Variants in ANK3 observed in about 807,000 individuals in gnomAD.
ANK3 encodes ankyrin 3, also known as ankyrin-3.
Under a neutral mutation model 370.9 loss-of-function variants are expected in ANK3, and 57 were observed. The observed-to-expected ratio is 0.15, with a 90% CI of 0.12 to 0.19. The LOEUF (loss-of-function observed/expected upper bound fraction) is 0.19, where lower values mean the gene tolerates loss of function less well. ANK3 is among the 10% of genes least tolerant of loss of function. ANK3 has a pLI of 1.00. For missense variants in ANK3, 4,439 were observed against 5,302.1 expected (o/e 0.84, Z 5.06); for synonymous variants, 1,929 against 1,946.3 (o/e 0.99, Z 0.23).
At chr10:60,691,043 G>T (rs1385312038) in intron 1 of ANK3, among the ~76,000 whole-genome samples, 1 of 152,136 alleles carries the variant, frequency 6.6e-6, no homozygotes, top group Non-Finnish European at 1.5e-5. Flanking sequence ...TCACTGAACA[G>T]GTCAATTGTG....
chr10:60,482,283 G>A (rs1438018796), intron 2 of ANK3, among the ~76,000 whole-genome samples: 1 of 152,106 alleles, frequency 6.6e-6, no homozygotes, highest in Admixed American at 6.5e-5. Flanking sequence ...ATTCATAACA[G>A]GGGACACTGG....
intron 2 of ANK3, among the ~76,000 whole-genome samples, chr10:60,596,480 G>A (rs1359919733): frequency 2.0e-5 from 3 of 152,226 alleles, no homozygotes; most frequent in Non-Finnish European, 4.4e-5. Context: ...CGCTATGGTA[G>A]AATCAACTCT....
intron 1 of ANK3, among the ~76,000 whole-genome samples, chr10:60,712,852 A>G (rs1350039739): frequency 1.3e-5 from 2 of 152,224 alleles, no homozygotes; most frequent in Non-Finnish European, 2.9e-5. Flanking sequence ...AAGGAAAAAT[A>G]TCAGGGATAA....
At chr10:60,258,894 C>T (rs1026821286) in intron 7 of ANK3, among the ~76,000 whole-genome samples, 3 of 152,164 alleles carry the variant, frequency 2.0e-5, no homozygotes, top group Non-Finnish European at 4.4e-5. Context: ...TACTTCTAAC[C>T]ACCTCATCAA....
At chr10:60,724,780 T>C (rs531558723) in intron 1 of ANK3, among the ~76,000 whole-genome samples, 4 of 152,324 alleles carry the variant, frequency 2.6e-5, no homozygotes, top group African/African-American at 7.2e-5. Context: ...AAATTTTATT[T>C]CACTTGGAAC....
In ANK3 at chr10:60,714,356, A is replaced by C. The variant is rs1293239197; in HGVS notation, c.57+18907T>G. On this transcript the variant is annotated intron_variant, in intron 1 of 43. Transcript: ENST00000373827. Reference sequence around the variant, plus strand: ...TAGTTTTCTACAATCTTTTCCAGGAAACAGAAGCAGAAGAAAAACTTCTTA... The same window carrying C: ...TAGTTTTCTACAATCTTTTCCAGGACACAGAAGCAGAAGAAAAACTTCTTA... 2.6e-5 allele frequency among the ~76,000 whole-genome samples: 4 copies of C among 152,190 alleles called. No homozygotes were observed. In the South Asian group the frequency reaches 8.3e-4, roughly 32 times the overall value.
At chr10:60,104,665 T>C (rs1371627624) in intron 28 of ANK3, among the ~76,000 whole-genome samples, 3 of 152,178 alleles carry the variant, frequency 2.0e-5, no homozygotes, top group African/African-American at 7.2e-5. Context: ...ACTCAACAAT[T>C]ACTATTCTCC....
At chr10:60,370,080 C>A (rs1204059638) in intron 1 of ANK3, among the ~76,000 whole-genome samples, 1 of 152,084 alleles carries the variant, frequency 6.6e-6, no homozygotes, top group East Asian at 1.9e-4. Flanking sequence ...TTGCAAAAAT[C>A]TTTAAAATGT....
chr10:60,312,745 A>T (rs1365249408), intron 1 of ANK3, among the ~76,000 whole-genome samples: 1 of 152,242 alleles, frequency 6.6e-6, no homozygotes, highest in Non-Finnish European at 1.5e-5. Flanking sequence ...TTCACAAATA[A>T]AGAGATTTTA....
At chr10:60,452,104 C>A (rs535954518) in intron 2 of ANK3, among the ~76,000 whole-genome samples, 1 of 152,376 alleles carries the variant, frequency 6.6e-6, no homozygotes, top group African/African-American at 2.4e-5. Context: ...CTTTACATTT[C>A]TAGACATCCC....
chr10:60,420,668 C>G (rs2063760199), intron 2 of ANK3, among the ~76,000 whole-genome samples: 2 of 152,004 alleles, frequency 1.3e-5, no homozygotes, highest in Admixed American at 6.6e-5. Flanking sequence ...ACCTGAAATC[C>G]TGTTGTCCCC....
chr10:60,687,213 C>T (rs371562646), intron 1 of ANK3, among the ~76,000 whole-genome samples: 2 of 152,146 alleles, frequency 1.3e-5, no homozygotes, highest in African/African-American at 2.4e-5. Context: ...CTGTATATAT[C>T]GCAGTCCATC....
At chr10:60,297,722 A>G (rs2042839888) in intron 1 of ANK3, among the ~76,000 whole-genome samples, 1 of 152,128 alleles carries the variant, frequency 6.6e-6, no homozygotes, top group South Asian at 2.1e-4. Flanking sequence ...ATTATCATCC[A>G]AATTTATAAC....
chr10:60,270,275 A>G (rs2132671327), intron 4 of ANK3, 46 bp from the exon 5 acceptor site: 2 of 1,398,198 alleles, frequency 1.4e-6, no homozygotes, highest in Non-Finnish European at 9.8e-7. Context: ...TTCCAGAGAC[A>G]ATCTATTTTT....
chr10:60,053,685 A>T (rs977196323), intron 42 of ANK3: 3 of 1,303,862 alleles, frequency 2.3e-6, no homozygotes, highest in Non-Finnish European at 3.0e-6. Flanking sequence ...ACCTTATAAC[A>T]GCAGGCAGTC....
intron 2 of ANK3, among the ~76,000 whole-genome samples, chr10:60,586,939 C>T (rs930644502): frequency 6.6e-6 from 1 of 152,094 alleles, no homozygotes; most frequent in Non-Finnish European, 1.5e-5. Flanking sequence ...AGACTGTCTG[C>T]CAATATATTA....
chr10:60,375,653 C>T (rs2060681672), intron 1 of ANK3, among the ~76,000 whole-genome samples: 1 of 152,214 alleles, frequency 6.6e-6, no homozygotes, highest in African/African-American at 2.4e-5. Flanking sequence ...GAACCCAAGC[C>T]TCCTGCCCCA....
intron 1 of ANK3, among the ~76,000 whole-genome samples, chr10:60,384,969 C>T (rs1401173823): frequency 2.0e-5 from 3 of 152,176 alleles, no homozygotes; most frequent in Non-Finnish European, 2.9e-5. Flanking sequence ...CTCAGCATTT[C>T]GTGCCTGGAT....
intron 40 of ANK3, chr10:60,060,141 G>A: frequency 3.1e-6 from 2 of 637,002 alleles, no homozygotes; most frequent in Non-Finnish European, 4.9e-6. Context: ...AAATTTATCG[G>A]TTTAGTTCAA....
Sources: gnomAD v4.1 joint callset for allele counts (sites outside exome capture counted in the v4.1 genomes callset) on GRCh38, gnomAD v4.1.1 for gene constraint, MANE v1.5 for transcripts, NCBI Gene and HGNC (gene_info 2026-07-23, HGNC 2026-07-21) for gene names.